Variants in SYT1 observed in about 807,000 individuals in gnomAD.
SYT1 encodes the protein synaptotagmin 1, also known as synaptotagmin-1.
In SYT1, 8 loss-of-function variants were observed where a neutral mutation model predicts 44.8. The observed-to-expected ratio is 0.18, with a 90% CI of 0.10 to 0.32. The LOEUF is 0.32. Among genes scored for constraint, SYT1 ranks in the 10% least tolerant of loss-of-function variants. SYT1 has a pLI of 1.00. For synonymous variants in SYT1, 154 were observed against 188.8 expected, an observed-to-expected ratio of 0.82 and a Z score of 1.51; for missense variants, 286 against 509.3, an observed-to-expected ratio of 0.56 and a Z score of 4.22.
At chr12:79,429,258 G>A (rs1869631359) in intron 9 of SYT1, among the ~76,000 whole-genome samples, 1 of 152,116 alleles carries the variant, frequency 6.6e-6, no homozygotes, top group Non-Finnish European at 1.5e-5. Context: ...CCAGGCTGGA[G>A]TGCAGTGGTG....
chr12:79,008,522 A>G (rs996374667), intron 2 of SYT1, among the ~76,000 whole-genome samples: 2 of 152,174 alleles, frequency 1.3e-5, no homozygotes, highest in African/African-American at 4.8e-5. Flanking sequence ...GGGAGAAAAG[A>G]TAAGAGTTAA....
At chr12:79,144,765 A>G (rs1198585343) in intron 3 of SYT1, among the ~76,000 whole-genome samples, 1 of 152,212 alleles carries the variant, frequency 6.6e-6, no homozygotes, top group Non-Finnish European at 1.5e-5. Context: ...TAAATTACCA[A>G]TAATTCTGTT....
chr12:79,267,104 G>GA (rs901957845), intron 4 of SYT1, among the ~76,000 whole-genome samples: 10 of 151,664 alleles, frequency 6.6e-5, no homozygotes, highest in African/African-American at 1.7e-4. Context: ...GGTAGTGGAG[G>GA]AAAAAAAATC....
At chr12:79,207,653 T>C (rs1874207245) in intron 3 of SYT1, among the ~76,000 whole-genome samples, 1 of 152,150 alleles carries the variant, frequency 6.6e-6, no homozygotes, top group Non-Finnish European at 1.5e-5. Context: ...GATATAGAGA[T>C]GTTAAACTAG....
chr12:79,223,706 A>C (rs1352254167), intron 4 of SYT1, among the ~76,000 whole-genome samples: 1 of 152,112 alleles, frequency 6.6e-6, no homozygotes, highest in Non-Finnish European at 1.5e-5. Context: ...GTGGCGATAC[A>C]TACCAGAGAT....
intron 10 of SYT1, among the ~76,000 whole-genome samples, chr12:79,445,874 A>T (rs1469024633): frequency 6.9e-6 from 1 of 145,898 alleles, no homozygotes; most frequent in African/African-American, 2.5e-5. Context: ...CACTTATTTT[A>T]TATATATAAA....
chr12:79,318,821 C>A (rs77731812), intron 8 of SYT1, among the ~76,000 whole-genome samples: 15 of 152,204 alleles, frequency 9.9e-5, no homozygotes, highest in African/African-American at 3.6e-4. Context: ...TGCTCTTAAT[C>A]GTATCTCAGT....
chr12:78,935,695 G>T (rs1878014946), intron 1 of SYT1, among the ~76,000 whole-genome samples: 1 of 151,998 alleles, frequency 6.6e-6, no homozygotes, highest in South Asian at 2.1e-4. Context: ...TTTATATTCT[G>T]ATTTTAATTT....
At chr12:79,308,528 GAAATAAA>G (rs1880538690) in intron 8 of SYT1, among the ~76,000 whole-genome samples, 2 of 94,490 alleles carry the variant, frequency 2.1e-5, no homozygotes, top group African/African-American at 8.1e-5. Context: ...AAAGAAAGAA[GAAATAAA>G]GAAAGAAAGA....
chr12:79,155,729 A>G (rs749028975), intron 3 of SYT1, among the ~76,000 whole-genome samples: 1 of 152,230 alleles, frequency 6.6e-6, no homozygotes, highest in Non-Finnish European at 1.5e-5. Context: ...TAAAATGTGC[A>G]TTAAAATGGA....
At chr12:78,913,066 G>C (rs1414219546) in intron 1 of SYT1, among the ~76,000 whole-genome samples, 1 of 151,740 alleles carries the variant, frequency 6.6e-6, no homozygotes, top group African/African-American at 2.4e-5. Flanking sequence ...TTTCAACTTT[G>C]TCACAGAAAA....
At chr12:79,209,943 A>G (rs1874340753) in intron 3 of SYT1, among the ~76,000 whole-genome samples, 1 of 152,124 alleles carries the variant, frequency 6.6e-6, no homozygotes, top group Admixed American at 6.5e-5. Context: ...GACTTTTTTT[A>G]GTAATATTTT....
In SYT1 at chr12:79,010,164, G is replaced by A. The variant is rs148268796; in HGVS notation, c.-84+32233G>A. ...TCTTCCTAGTATGATGGAGAGAGAG[G>A]TTGAAAAATCAATAGAATTAGAATT... is the stretch of plus-strand genomic sequence containing the variant. On this transcript the variant is annotated intron_variant, in intron 2 of 10. Transcript: ENST00000261205. Among the ~76,000 whole-genome samples the A allele has an allele frequency of 4.5e-3, 686 of 152,190 alleles. 5 individuals carry two copies. Among genetic ancestry groups the A allele is most frequent in the African/African-American group, 0.015 (638 of 41,528 alleles).
At chr12:79,401,884 G>T (rs930600638) in intron 9 of SYT1, among the ~76,000 whole-genome samples, 1 of 151,950 alleles carries the variant, frequency 6.6e-6, no homozygotes, top group Non-Finnish European at 1.5e-5. Flanking sequence ...GCCCAGGCTG[G>T]TCTCATACTC....
chr12:79,209,422 C>A (rs553322655), intron 3 of SYT1, among the ~76,000 whole-genome samples: 1 of 152,130 alleles, frequency 6.6e-6, no homozygotes, highest in Admixed American at 6.6e-5. Context: ...GAAATGTTCT[C>A]CATGTAAGAA....
chr12:79,198,956 C>T (rs1160939077), intron 3 of SYT1, among the ~76,000 whole-genome samples: 1 of 152,080 alleles, frequency 6.6e-6, no homozygotes, highest in Non-Finnish European at 1.5e-5. Context: ...GAAGGGGAAG[C>T]CCGCATGAAT....
At chr12:78,945,023 C>T (rs1878575043) in intron 1 of SYT1, among the ~76,000 whole-genome samples, 1 of 152,116 alleles carries the variant, frequency 6.6e-6, no homozygotes, top group African/African-American at 2.4e-5. Context: ...TTATTACATA[C>T]CAATCCTGGA....
chr12:78,960,370 A>C (rs1404784660), intron 1 of SYT1: 1 of 152,222 alleles, frequency 6.6e-6, no homozygotes, highest in Non-Finnish European at 1.5e-5. Flanking sequence ...TCTTGAGTGA[A>C]TAAGTAAATA....
chr12:79,445,382 T>G (rs1870651061), intron 10 of SYT1, among the ~76,000 whole-genome samples: 2 of 152,062 alleles, frequency 1.3e-5, no homozygotes, highest in Non-Finnish European at 2.9e-5. Context: ...AGCCATCCTG[T>G]AGTGGTACAG....
Sources: gnomAD v4.1 joint callset for allele counts (sites outside exome capture counted in the v4.1 genomes callset) on GRCh38, gnomAD v4.1.1 for gene constraint, MANE v1.5 for transcripts, NCBI Gene and HGNC (gene_info 2026-07-23, HGNC 2026-07-21) for gene names.